Variants in LGALS12 observed in about 807,000 individuals in gnomAD.
The protein encoded by LGALS12 is galectin 12, also known as galectin-12.
In LGALS12, 36 loss-of-function variants were observed where a neutral mutation model predicts 36.8. The ratio of observed to expected loss-of-function variants is 0.98; its 90% CI spans 0.75 to 1.29. The LOEUF (loss-of-function observed/expected upper bound fraction) is 1.29, where lower values mean the gene tolerates loss of function less well. LGALS12 is among the 50% of genes most tolerant of loss of function. The probability of loss-of-function intolerance (pLI) is 0.00; values close to 1 mark genes in which losing one functional copy is unlikely to be tolerated. For synonymous variants in LGALS12, 145 were observed against 155.9 expected (o/e 0.93, Z 0.52); for missense variants, 366 against 394.3 (o/e 0.93, Z 0.61).
At chr11:63,514,791 A>C (rs1450575265) in intron 7 of LGALS12, among the ~76,000 whole-genome samples, 1 of 152,166 alleles carries the variant, frequency 6.6e-6, no homozygotes, top group Admixed American at 6.5e-5. Flanking sequence ...TGTGAGGATT[A>C]AGGAAAGGCA....
Position 63,508,994 on chromosome 11 carries a change from G to C in LGALS12, c.372+3G>C. The C allele has an allele frequency of 6.2e-7, 1 of 1,612,106 alleles. No homozygotes were observed. On this transcript the variant is annotated splice_donor_region_variant and intron_variant, in intron 3 of 8. Coordinates refer to ENST00000394618, the MANE Select transcript of LGALS12 (RefSeq NM_033101.4). ...TCTTCGGGAATGAGGAAGTGAAGGTGAAGGAAGGGACGGGCATTGGGTGGT... is the reference window on the plus strand; with the variant it reads ...TCTTCGGGAATGAGGAAGTGAAGGTCAAGGAAGGGACGGGCATTGGGTGGT...
rs2016744264 is a variant in LGALS12 at position 63,506,421 on chromosome 11, C to A, written c.-38C>A. 3.7e-6 allele frequency: 6 copies of A among 1,614,238 alleles called. No individual in the cohort carries two copies. The highest frequency in any genetic ancestry group is 5.1e-6 in the Non-Finnish European group (6 of 1,180,032). On this transcript the variant is annotated 5_prime_UTR_variant, in exon 1 of 9. It adds an upstream start codon to the 5' untranslated region. Transcript: ENST00000394618. ...AGTCAGCCCAGTGGGGGCAGGGCTC[C>A]TGGAACGAGGATCTACAGTTGGAGT...
intron 2 of LGALS12, 28 bp from the exon 3 acceptor site, chr11:63,508,750 G>T (rs371851552): frequency 7.4e-6 from 12 of 1,613,722 alleles, no homozygotes; most frequent in African/African-American, 5.3e-5. Context: ...GGTCAGAACC[G>T]CACTTTGAGA....
intron 1 of LGALS12, 64 bp downstream of exon 1, chr11:63,506,591 A>G: frequency 1.2e-6 from 2 of 1,604,894 alleles, no homozygotes; most frequent in Non-Finnish European, 8.5e-7. Context: ...AACTGGGCCC[A>G]CACTCCTGGG....
intron 6 of LGALS12, 137 bp downstream of exon 6, chr11:63,511,242 G>GGAGGCAGCTTATGCC (rs1555033928): frequency 1.9e-5 from 15 of 784,452 alleles, no homozygotes; most frequent in Non-Finnish European, 3.0e-5. Context: ...GCTGTGGGTG[G>GGAGGCAGCTTATGCC]GCCAGGCAGC....
chr11:63,508,847 T>A lies in LGALS12; in HGVS notation c.228T>A (p.Pro76=), dbSNP rs756220788. 45 of 1,614,156 alleles carry A rather than the reference T, an allele frequency of 2.8e-5. No individual in the cohort carries two copies. Among genetic ancestry groups the A allele is most frequent in the Non-Finnish European group, 3.8e-5 (45 of 1,180,022 alleles). The change falls in exon 3 of 9, where the codon CCT becomes CCA. Residue 76 remains proline (P), a synonymous_variant. Coordinates refer to ENST00000394618, the MANE Select transcript of LGALS12 (RefSeq NM_033101.4). ...CAGATATCGCCTTCCACTTCAACCC[T>A]CGCTTCCATACCACCAAGCCCCATG... ...PRPDIAFHFN[P]RFHTTKPHVI... is the part of the protein sequence containing the mutation.
chr11:63,508,090 GCC>G, intron 1 of LGALS12: 1 of 1,006,770 alleles, frequency 9.9e-7, no homozygotes, highest in Non-Finnish European at 1.2e-6. Flanking sequence ...ATTGTTAAGT[GCC>G]TCTCCAGGGG....
intron 7 of LGALS12, among the ~76,000 whole-genome samples, chr11:63,514,198 T>C (rs1030166831): frequency 3.3e-5 from 5 of 152,206 alleles, no homozygotes; most frequent in Non-Finnish European, 7.3e-5. Context: ...CTACCTTACC[T>C]GCCTCTGCAT....
intron 7 of LGALS12, among the ~76,000 whole-genome samples, chr11:63,514,368 G>A (rs548576368): frequency 1.3e-5 from 2 of 152,216 alleles, no homozygotes; most frequent in South Asian, 4.2e-4. Flanking sequence ...TCAAGAGATC[G>A]AGACCACCCT....
At chr11:63,513,178 C>G (rs1346583653) in intron 7 of LGALS12, among the ~76,000 whole-genome samples, 4 of 152,048 alleles carry the variant, frequency 2.6e-5, no homozygotes, top group Non-Finnish European at 5.9e-5. Context: ...GTTTCCCTAC[C>G]GGAAAAAGGT....
chr11:63,507,021 C>T (rs1398182437), intron 1 of LGALS12, among the ~76,000 whole-genome samples: 1 of 152,158 alleles, frequency 6.6e-6, no homozygotes, highest in East Asian at 1.9e-4. Flanking sequence ...CAGCAGACAC[C>T]CCCTACTAAT....
chr11:63,508,741 G>A lies in LGALS12; in HGVS notation c.159-37G>A, dbSNP rs199857340. 4.5e-4 allele frequency: 723 copies of A among 1,613,924 alleles called. 2 individuals carry two copies. The African/African-American group carries it at 8.3e-3, about 19-fold the overall frequency. ...CCACTGAGATCTCTGTGGGTCTCTG[G>A]TCAGAACCGCACTTTGAGAGCCTCA... On this transcript the variant is annotated intron_variant, in intron 2 of 8. Transcript: ENST00000394618.
chr11:63,510,554 C>T (rs2016887596), intron 5 of LGALS12, 53 bp downstream of exon 5: 3 of 1,559,316 alleles, frequency 1.9e-6, no homozygotes, highest in East Asian at 2.2e-5. Context: ...ACCCGCCCTT[C>T]TGGACTGCTG....
At chr11:63,516,130 C>G (rs1188151002) in intron 8 of LGALS12, 117 bp from the exon 9 acceptor site, 3 of 1,315,624 alleles carry the variant, frequency 2.3e-6, no homozygotes, top group African/African-American at 3.0e-5. Flanking sequence ...ACTGGGTGCC[C>G]CCTGGGTCCA....
intron 5 of LGALS12, 55 bp downstream of exon 5, chr11:63,510,556 G>A: frequency 6.4e-7 from 1 of 1,557,006 alleles, no homozygotes; most frequent in Non-Finnish European, 8.9e-7. Context: ...CCGCCCTTCT[G>A]GACTGCTGCT....
chr11:63,515,511 G>T, intron 7 of LGALS12, 52 bp from the exon 8 acceptor site: 1 of 1,599,386 alleles, frequency 6.3e-7, no homozygotes. Context: ...GCTGAGCAGC[G>T]GCCTATGGGC....
Position 63,506,285 on chromosome 11 carries a change from C to A in LGALS12, c.-174C>A. 7.9e-7 allele frequency: 1 copy of A among 1,271,310 alleles called. No homozygotes were observed. Among genetic ancestry groups the A allele is most frequent in the Non-Finnish European group, 1.1e-6 (1 of 939,612 alleles). The allele number at this position is 1,271,310 out of a possible 1,614,324, so 78.8% of individuals were successfully genotyped here. A position where few individuals can be genotyped will look rare whatever the true frequency, so the allele number is the denominator to read the frequency against. ...GCTGGTGTGGAGCCTGGAGGTCGCC[C>A]GCTGCCCTCCTAGGGCTGCTCCAGA... On this transcript the variant is annotated 5_prime_UTR_variant, in exon 1 of 9. Transcript: ENST00000394618.
In LGALS12 at chr11:63,508,572, C is replaced by T. The variant is rs1320189429; in HGVS notation, c.89C>T (p.Thr30Met). ...VFHPVVPYVT[T>M]IFGGLHAGKM... ...GTTCAGGTGGTTCCTTATGTCACGA[C>T]GATTTTTGGAGGCCTGCATGCAGGC... The change falls in exon 2 of 9, where the codon ACG becomes ATG. Residue 30 changes from threonine (T) to methionine (M), a missense_variant. Thr to Met is a moderately conservative substitution (Grantham distance 81). Transcript: ENST00000394618. 5.6e-6 allele frequency: 9 copies of T among 1,614,008 alleles called. No individual in the cohort carries two copies. In the Admixed American group the frequency reaches 1.0e-4, roughly 18 times the overall value.
Position 63,506,337 on chromosome 11 carries a change from G to A in LGALS12, c.-122G>A, listed in dbSNP as rs1452919284. ...AGCATTAAAACGCTGCAGGTCGCAG[G>A]TGAGACTAACAGCTGGGAGAGCTGC... is the stretch of plus-strand genomic sequence containing the variant. On this transcript the variant is annotated 5_prime_UTR_variant, in exon 1 of 9. It adds an upstream start codon to the 5' untranslated region. Coordinates refer to ENST00000394618, the MANE Select transcript of LGALS12 (RefSeq NM_033101.4). The A allele has an allele frequency of 1.2e-6, 2 of 1,609,456 alleles. No homozygotes were observed. Among genetic ancestry groups the A allele is most frequent in the East Asian group, 2.2e-5 (1 of 44,860 alleles).
Sources: gnomAD v4.1 joint callset for allele counts (sites outside exome capture counted in the v4.1 genomes callset) on GRCh38, gnomAD v4.1.1 for gene constraint, MANE v1.5 for transcripts, NCBI Gene and HGNC (gene_info 2026-07-23, HGNC 2026-07-21) for gene names.